The following PTPRK variants were observed in gnomAD, a reference collection of about 807,000 sequenced individuals.
PTPRK encodes the protein protein tyrosine phosphatase receptor type K.
Under a neutral mutation model 178.0 loss-of-function variants are expected in PTPRK, and 75 were observed. That is an observed-to-expected ratio of 0.42 (90% CI 0.35 to 0.51). The LOEUF is 0.51. Ranked by LOEUF, PTPRK falls within the 20% of genes least tolerant of loss-of-function variation. PTPRK has a pLI of 0.02. For missense variants in PTPRK, 1,441 were observed against 1,797.8 expected (o/e 0.80, Z 3.59); for synonymous variants, 637 against 620.6 (o/e 1.03, Z -0.39).
rs1476675605 is a variant in PTPRK, at chr6:128,156,222, T to C, written c.1162+28210A>G. On this transcript the variant is annotated intron_variant, in intron 7 of 29. Coordinates refer to ENST00000368226, the MANE Select transcript of PTPRK (RefSeq NM_002844.4). ...AGACCTGAAATAAAAACAAAAAATA[T>C]GGAATTTCTTAAATATCCACCTAAA... Among the ~76,000 whole-genome samples the C allele has an allele frequency of 3.3e-5, 5 of 151,914 alleles. No homozygotes were observed. The East Asian group carries it at 5.8e-4, about 18-fold the overall frequency.
At chr6:128,126,245 G>A (rs532958920) in intron 7 of PTPRK, among the ~76,000 whole-genome samples, 8 of 152,054 alleles carry the variant, frequency 5.3e-5, no homozygotes, top group South Asian at 2.1e-4. Flanking sequence ...AGGCCCCAGC[G>A]TGTGATGTTC....
chr6:128,366,337 C>T (rs545403117), intron 2 of PTPRK, among the ~76,000 whole-genome samples: 1 of 152,116 alleles, frequency 6.6e-6, no homozygotes, highest in Non-Finnish European at 1.5e-5. Context: ...AACCTTTAAA[C>T]TCTAAATGAA....
chr6:128,009,007 T>C (rs752964455), intron 14 of PTPRK, 123 bp downstream of exon 14: 2 of 824,850 alleles, frequency 2.4e-6, no homozygotes, highest in Non-Finnish European at 3.6e-6. Context: ...GCTGACAACA[T>C]TGTTAAAATT....
At chr6:128,189,438 G>A (rs1479937034) in intron 6 of PTPRK, among the ~76,000 whole-genome samples, 3 of 151,126 alleles carry the variant, frequency 2.0e-5, no homozygotes, top group Non-Finnish European at 3.0e-5. Context: ...ACGGGGTTTC[G>A]CTATATTGGC....
At chr6:128,389,098 T>C (rs998414261) in intron 2 of PTPRK, among the ~76,000 whole-genome samples, 27 of 152,144 alleles carry the variant, frequency 1.8e-4, no homozygotes, top group Non-Finnish European at 3.4e-4. Context: ...GCTGTGAGCA[T>C]TTCTAAGTTG....
chr6:128,516,331 A>T (rs935634153), intron 1 of PTPRK, among the ~76,000 whole-genome samples: 6 of 152,160 alleles, frequency 3.9e-5, no homozygotes. Context: ...TGGGTAGGCC[A>T]GACACAAAAC....
chr6:128,205,777 CAAAAAAAAA>C (rs57003128), intron 6 of PTPRK, among the ~76,000 whole-genome samples: 2 of 15,228 alleles, frequency 1.3e-4, no homozygotes, highest in African/African-American at 2.4e-4. Flanking sequence ...CATCACAGAC[CAAAAAAAAA>C]AAAAAAAAAA....
At chr6:128,318,263 G>A (rs527849097) in intron 3 of PTPRK, among the ~76,000 whole-genome samples, 4 of 152,194 alleles carry the variant, frequency 2.6e-5, no homozygotes, top group Non-Finnish European at 4.4e-5. Context: ...AAGTAAAAAT[G>A]GTCACTTGGT....
intron 6 of PTPRK, among the ~76,000 whole-genome samples, chr6:128,215,863 T>G (rs1809183082): frequency 1.3e-5 from 2 of 152,130 alleles, no homozygotes; most frequent in African/African-American, 4.8e-5. Context: ...TGTAACAGGA[T>G]GTCAGCTTTA....
chr6:128,391,636 A>C lies in PTPRK; in HGVS notation c.223+5930T>G, dbSNP rs180975267. On this transcript the variant is annotated intron_variant, in intron 2 of 29. Transcript: ENST00000368226. ...CTATGCTTTTTTATTAATCATCTATAATAGGGGGATGAAAATATTAGTCAA... is the reference window on the plus strand; with the variant it reads ...CTATGCTTTTTTATTAATCATCTATCATAGGGGGATGAAAATATTAGTCAA... Among the ~76,000 whole-genome samples, 305 of 152,130 alleles carry C rather than the reference A, an allele frequency of 2.0e-3. 1 individual carries two copies. Among genetic ancestry groups the C allele is most frequent in the African/African-American group, 7.1e-3 (295 of 41,504 alleles).
intron 5 of PTPRK, among the ~76,000 whole-genome samples, chr6:128,222,062 C>T (rs961627257): frequency 6.6e-6 from 1 of 152,124 alleles, no homozygotes; most frequent in African/African-American, 2.4e-5. Context: ...TTGCTCCCTG[C>T]CATATGTATT....
At chr6:128,248,488 T>C (rs1362119140) in intron 3 of PTPRK, among the ~76,000 whole-genome samples, 1 of 152,042 alleles carries the variant, frequency 6.6e-6, no homozygotes, top group Admixed American at 6.6e-5. Flanking sequence ...TATTTAAGTA[T>C]ATAGAACTAC....
chr6:128,092,270 A>G (rs184587038), intron 7 of PTPRK, among the ~76,000 whole-genome samples: 1 of 152,120 alleles, frequency 6.6e-6, no homozygotes, highest in Non-Finnish European at 1.5e-5. Context: ...TATGCTTTAA[A>G]GGGCCCTGAT....
intron 13 of PTPRK, among the ~76,000 whole-genome samples, chr6:128,015,378 CACTGTCTT>C (rs1391886499): frequency 6.6e-6 from 1 of 151,672 alleles, no homozygotes; most frequent in Non-Finnish European, 1.5e-5. Context: ...AGCGTTAGTG[CACTGTCTT>C]ACTTCTTAAA....
At chr6:128,232,662 A>C (rs144150671) in intron 5 of PTPRK, among the ~76,000 whole-genome samples, 2 of 152,314 alleles carry the variant, frequency 1.3e-5, no homozygotes, top group East Asian at 3.9e-4. Context: ...ACAAGGTAGT[A>C]AATAAGTCAC....
intron 16 of PTPRK, among the ~76,000 whole-genome samples, 176 bp downstream of exon 16, chr6:127,998,544 C>T (rs989334180): frequency 1.9e-4 from 29 of 151,672 alleles, no homozygotes; most frequent in African/African-American, 6.3e-4. Flanking sequence ...GCTTTTTTCC[C>T]CATTCCCTTC....
chr6:128,050,894 A>C (rs1778889290), intron 13 of PTPRK, among the ~76,000 whole-genome samples: 1 of 152,158 alleles, frequency 6.6e-6, no homozygotes, highest in African/African-American at 2.4e-5. Context: ...TTTCAAAATG[A>C]TGTTATTTCA....
At chr6:128,011,392 T>C (rs1199698724) in intron 13 of PTPRK, among the ~76,000 whole-genome samples, 1 of 151,216 alleles carries the variant, frequency 6.6e-6, no homozygotes, top group Non-Finnish European at 1.5e-5. Flanking sequence ...AGAGCAGTTC[T>C]TGCTTAATGA....
chr6:128,506,680 A>C (rs1856403834), intron 1 of PTPRK, among the ~76,000 whole-genome samples: 1 of 149,590 alleles, frequency 6.7e-6, no homozygotes, highest in South Asian at 2.1e-4. Context: ...AAAAAAAAAA[A>C]AATTATTATA....
Sources: allele counts gnomAD v4.1 joint callset (sites outside exome capture counted in the v4.1 genomes callset), GRCh38; gene constraint gnomAD v4.1.1; transcripts MANE v1.5; gene names NCBI Gene and HGNC (gene_info 2026-07-23, HGNC 2026-07-21).